The following FAM222A variants were observed in gnomAD, a reference collection of about 807,000 sequenced individuals.
FAM222A encodes the protein protein FAM222A.
Under a neutral mutation model 25.8 loss-of-function variants are expected in FAM222A, and 7 were observed. The ratio of observed to expected loss-of-function variants is 0.27; its 90% CI spans 0.15 to 0.51. FAM222A has a LOEUF of 0.51. Ranked by LOEUF, FAM222A falls within the 20% of genes least tolerant of loss-of-function variation. The pLI is 0.97. For missense variants in FAM222A, 573 were observed against 640.5 expected (o/e 0.89, Z 1.14); for synonymous variants, 294 against 298.8 (o/e 0.98, Z 0.17).
chr12:109,759,971 G>T (rs734152), intron 2 of FAM222A, among the ~76,000 whole-genome samples: 1 of 152,122 alleles, frequency 6.6e-6, no homozygotes, highest in Non-Finnish European at 1.5e-5. Flanking sequence ...GGTCCTACGA[G>T]GGCACGTCAG....
chr12:109,744,771 A>C, intron 2 of FAM222A: 1 of 985,064 alleles, frequency 1.0e-6, no homozygotes, highest in Non-Finnish European at 1.2e-6. Flanking sequence ...TTTCTTTTTT[A>C]ATGAAGTACT....
chr12:109,747,864 A>C (rs1227210036), intron 2 of FAM222A, among the ~76,000 whole-genome samples: 1 of 152,228 alleles, frequency 6.6e-6, no homozygotes, highest in African/African-American at 2.4e-5. Context: ...ACAAATGATA[A>C]ATTTACCCCC....
rs924056030 is a variant in FAM222A, at chr12:109,744,057, G to A, written c.-46-44G>A. 55 of 1,517,886 alleles carry A rather than the reference G, an allele frequency of 3.6e-5. 1 individual carries two copies. The highest frequency in any genetic ancestry group is 3.5e-4 in the South Asian group (28 of 80,016). The allele number at this position is 1,517,886 out of a possible 1,614,324, so 94.0% of individuals were successfully genotyped here. On this transcript the variant is annotated intron_variant, in intron 1 of 2. Transcript: ENST00000538780. ...GGGGGGAATGGTGGGAGGCGAACAC[G>A]GAGCAGCCCCCAAGTGACAGAGCAC...
chr12:109,737,576 C>T (rs1888120340), intron 1 of FAM222A, among the ~76,000 whole-genome samples: 1 of 138,106 alleles, frequency 7.2e-6, no homozygotes, highest in Non-Finnish European at 1.5e-5. Flanking sequence ...CCTCCCCAGC[C>T]CCCAACCTTA....
At chr12:109,753,473 C>T (rs922590869) in intron 2 of FAM222A, among the ~76,000 whole-genome samples, 3 of 152,086 alleles carry the variant, frequency 2.0e-5, no homozygotes, top group Admixed American at 6.5e-5. Flanking sequence ...TTGGTTTCCT[C>T]TGCTGTGACA....
chr12:109,729,705 C>T (rs1009598384), intron 1 of FAM222A, among the ~76,000 whole-genome samples: 5 of 152,278 alleles, frequency 3.3e-5, no homozygotes, highest in African/African-American at 9.6e-5. Context: ...CCGCCACCCC[C>T]GCTCCCTGGG....
At chr12:109,754,383 A>G (rs929907788) in intron 2 of FAM222A, among the ~76,000 whole-genome samples, 11 of 152,228 alleles carry the variant, frequency 7.2e-5, no homozygotes, top group Non-Finnish European at 8.8e-5. Flanking sequence ...AAAGAAAAAA[A>G]AAAGAAAACC....
At chr12:109,718,259 A>G (rs979727061) in intron 1 of FAM222A, among the ~76,000 whole-genome samples, 11 of 152,160 alleles carry the variant, frequency 7.2e-5, no homozygotes, top group Non-Finnish European at 1.2e-4. Flanking sequence ...CCCGAACTCT[A>G]CCAGCTATCT....
chr12:109,757,931 G>T, intron 2 of FAM222A, among the ~76,000 whole-genome samples: 1 of 152,296 alleles, frequency 6.6e-6, no homozygotes, highest in Middle Eastern at 3.4e-3. Context: ...GGGGCCCTGG[G>T]TGCAGGCAGA....
At chr12:109,753,570 G>T (rs7962570) in intron 2 of FAM222A, among the ~76,000 whole-genome samples, 1 of 151,154 alleles carries the variant, frequency 6.6e-6, no homozygotes, top group East Asian at 2.0e-4. Flanking sequence ...GGGGGGGGGA[G>T]CCTCTCCCAC....
chr12:109,731,839 C>T (rs1458950884), intron 1 of FAM222A, among the ~76,000 whole-genome samples: 6 of 152,150 alleles, frequency 3.9e-5, no homozygotes, highest in Admixed American at 6.5e-5. Flanking sequence ...GAACTGTGAA[C>T]CCTGGACCAT....
At chr12:109,725,041 G>A (rs1423923665) in intron 1 of FAM222A, among the ~76,000 whole-genome samples, 1 of 151,990 alleles carries the variant, frequency 6.6e-6, no homozygotes, top group Non-Finnish European at 1.5e-5. Flanking sequence ...AGAGATTGAG[G>A]GACTCTCCCA....
At chr12:109,763,164 C>T (rs974959059) in intron 2 of FAM222A, among the ~76,000 whole-genome samples, 3 of 152,202 alleles carry the variant, frequency 2.0e-5, no homozygotes, top group African/African-American at 7.2e-5. Context: ...CCTGGCTTTG[C>T]CCTGCCTCAA....
At chr12:109,747,006 A>G (rs755203054) in intron 2 of FAM222A, among the ~76,000 whole-genome samples, 10 of 152,236 alleles carry the variant, frequency 6.6e-5, no homozygotes, top group African/African-American at 2.4e-4. Flanking sequence ...AAATGCTCCA[A>G]TGAGCATTTC....
intron 2 of FAM222A, among the ~76,000 whole-genome samples, chr12:109,750,270 T>C (rs1409975873): frequency 6.6e-6 from 1 of 152,212 alleles, no homozygotes; most frequent in Non-Finnish European, 1.5e-5. Flanking sequence ...AATTGGTAGA[T>C]TTTTTCTCTC....
chr12:109,740,917 C>T (rs1040142517), intron 1 of FAM222A, among the ~76,000 whole-genome samples: 8 of 152,124 alleles, frequency 5.3e-5, no homozygotes, highest in Non-Finnish European at 7.3e-5. Context: ...GATCTGAGTT[C>T]GAACGGATCA....
intron 2 of FAM222A, among the ~76,000 whole-genome samples, chr12:109,762,728 C>A (rs1225703630): frequency 6.6e-6 from 1 of 152,182 alleles, no homozygotes; most frequent in Non-Finnish European, 1.5e-5. Flanking sequence ...ACCTCCATTG[C>A]TACTCTGGTG....
intron 2 of FAM222A, among the ~76,000 whole-genome samples, chr12:109,764,221 T>G (rs866659197): frequency 1.0e-4 from 1 of 9,872 alleles, no homozygotes; most frequent in African/African-American, 3.4e-4. Flanking sequence ...GACCCTGTCT[T>G]CAAAAAAAAA....
At chr12:109,752,754 T>A (rs912565348) in intron 2 of FAM222A, among the ~76,000 whole-genome samples, 28 of 152,208 alleles carry the variant, frequency 1.8e-4, no homozygotes, top group African/African-American at 6.8e-4. Flanking sequence ...CTGAGACCCC[T>A]GTCTCCCTTT....
Sources: allele counts gnomAD v4.1 joint callset (sites outside exome capture counted in the v4.1 genomes callset), GRCh38; gene constraint gnomAD v4.1.1; transcripts MANE v1.5; gene names NCBI Gene and HGNC (gene_info 2026-07-23, HGNC 2026-07-21).